The following PLEKHB1 variants were observed in gnomAD, a reference collection of about 807,000 sequenced individuals.
PLEKHB1 encodes pleckstrin homology domain-containing family B member 1.
A neutral mutation model predicts 36.2 loss-of-function variants in PLEKHB1; 29 were observed. The observed-to-expected ratio is 0.80, with a 90% CI of 0.60 to 1.09. The LOEUF is 1.09. Among genes scored for constraint, PLEKHB1 ranks in the 50% least tolerant of loss-of-function variants. The probability of loss-of-function intolerance (pLI) is 0.00; values close to 1 mark genes in which losing one functional copy is unlikely to be tolerated. For missense variants in PLEKHB1, 330 were observed against 348.2 expected (o/e 0.95, Z 0.42); for synonymous variants, 138 against 140.0 (o/e 0.99, Z 0.10).
chr11:73,652,976 G>A lies in PLEKHB1; in HGVS notation c.352G>A (p.Ala118Thr). The change falls in exon 5 of 8, where the codon GCA (alanine) becomes ACA (threonine). Residue 118 changes from alanine (A) to threonine (T), a missense_variant and splice_region_variant. Ala to Thr is a moderately conservative substitution (Grantham distance 58). Transcript: ENST00000354190. ...GGTCTGGTGGGATTTGCTTTGCAGA[G>A]CATGGAAGACAGCACTGCTGGAGGC... The part of the protein sequence containing the change: ...LCAETKDDAL[A>T]WKTALLEANS... 3.1e-6 allele frequency: 5 copies of A among 1,609,546 alleles called. No homozygotes were observed. The highest frequency in any genetic ancestry group is 3.4e-6 in the Non-Finnish European group (4 of 1,177,014).
In PLEKHB1 at chr11:73,650,564, C is replaced by T. The variant is rs368856276; in HGVS notation, c.106C>T (p.Arg36Cys). The stretch of plus-strand genomic sequence containing the variant: ...GGAATATCGTACAGGCTCCATCCTC[C>T]GCCGCTGGAAGCGGAACTGGTTTGC... Reference protein sequence around the residue: ...GWLWRQSSILRRWKRNWFALW... With the variant: ...GWLWRQSSILCRWKRNWFALW... The change falls in exon 3 of 8, where the codon CGC becomes TGC. Residue 36 changes from arginine (R) to cysteine (C), a missense_variant. Transcript: ENST00000354190. The T allele has an allele frequency of 2.6e-5, 42 of 1,610,916 alleles. No homozygotes were observed. Among genetic ancestry groups the T allele is most frequent in the Middle Eastern group, 1.6e-4 (1 of 6,080 alleles).
In PLEKHB1 at chr11:73,655,867, C is replaced by G. The variant is rs753700767; in HGVS notation, c.455C>G (p.Thr152Ser). ...RRVCSKVRCV[T>S]RSWSPCKVER... ...GTTTGCTCCAAGGTCAGGTGTGTGA[C>G]CCGCTCGTGGAGCCCCTGTAAGGTT... Residue 152 changes from threonine (T) to serine (S), a missense_variant, in exon 6 of 8, where the codon ACC becomes AGC. Thr to Ser is a moderately conservative substitution (Grantham distance 58). Transcript: ENST00000354190. The G allele has an allele frequency of 6.2e-7, 1 of 1,613,798 alleles. No individual in the cohort carries two copies. Among genetic ancestry groups the G allele is most frequent in the South Asian group, 1.1e-5 (1 of 91,078 alleles).
chr11:73,648,678 C>T, intron 1 of PLEKHB1: 2 of 1,042,328 alleles, frequency 1.9e-6, no homozygotes, highest in Non-Finnish European at 2.3e-6. Context: ...CCTCTGCCTG[C>T]CTCACAGACA....
At position 73,650,440 on chromosome 11, in the gene PLEKHB1, G is replaced by C. The variant is rs1049553883; in HGVS notation, c.95-113G>C. On this transcript the variant is annotated intron_variant, in intron 2 of 7. Transcript: ENST00000354190. ...CATTTCAGGGGGTAGACAAGAAAAA[G>C]GTGGTTGTAACACTAGGGACTGAGG... 5.0e-6 allele frequency: 6 copies of C among 1,194,496 alleles called. No individual in the cohort carries two copies. In the Admixed American group the frequency reaches 1.2e-4, roughly 23 times the overall value. 74.0% of individuals were successfully genotyped at this position (1,194,496 alleles called of 1,614,324 possible).
rs556742033 is a variant in PLEKHB1, at chr11:73,661,960, C to T, written c.*358C>T. 5 of 226,788 alleles carry T rather than the reference C, an allele frequency of 2.2e-5. No individual in the cohort carries two copies. Among genetic ancestry groups the T allele is most frequent in the African/African-American group, 9.1e-5 (4 of 43,962 alleles). 14.0% of individuals were successfully genotyped at this position (226,788 alleles called of 1,614,324 possible). On this transcript the variant is annotated 3_prime_UTR_variant, in exon 8 of 8. Transcript: ENST00000354190. This position sits in a 1 kb window ranked among gnomAD's most constrained non-coding sequence, Gnocchi z 4.6. The stretch of plus-strand genomic sequence containing the variant: ...GACACAACATGAATCGGGCTCTCTG[C>T]TCTCTCCTTAGGGAGCTCGAGTCCT...
Position 73,655,477 on chromosome 11 carries a change from G to A in PLEKHB1, c.391-326G>A, listed in dbSNP as rs562817929. ...GCTAGGGACGAGGCTGGGGTGAAGCGGACCAGGTGGGCTAGAGGACAGAAG... is the reference window on the plus strand; with the variant it reads ...GCTAGGGACGAGGCTGGGGTGAAGCAGACCAGGTGGGCTAGAGGACAGAAG... On this transcript the variant is annotated intron_variant, in intron 5 of 7. Coordinates refer to ENST00000354190, the MANE Select transcript of PLEKHB1 (RefSeq NM_021200.3). 5.0e-4 allele frequency among the ~76,000 whole-genome samples: 76 copies of A among 152,310 alleles called. 1 individual carries two copies. Among genetic ancestry groups the A allele is most frequent in the African/African-American group, 1.8e-3 (73 of 41,580 alleles).
chr11:73,659,862 G>A (rs987178831), intron 6 of PLEKHB1, among the ~76,000 whole-genome samples: 13 of 152,154 alleles, frequency 8.5e-5, no homozygotes, highest in East Asian at 1.9e-4. Context: ...TGTAACACAC[G>A]TGATCACTTC....
At chr11:73,657,211 C>T (rs957528071) in intron 6 of PLEKHB1, among the ~76,000 whole-genome samples, 21 of 152,112 alleles carry the variant, frequency 1.4e-4, no homozygotes, top group African/African-American at 4.8e-4. Context: ...CCTGGGCCAC[C>T]AAATTGTATA....
chr11:73,650,439 A>T, intron 2 of PLEKHB1, 114 bp from the exon 3 acceptor site: 1 of 1,167,056 alleles, frequency 8.6e-7, no homozygotes, highest in Non-Finnish European at 1.2e-6. Context: ...GACAAGAAAA[A>T]GGTGGTTGTA....
chr11:73,649,408 T>C (rs562234378), intron 2 of PLEKHB1, among the ~76,000 whole-genome samples: 13 of 152,100 alleles, frequency 8.5e-5, no homozygotes, highest in Non-Finnish European at 1.8e-4. Flanking sequence ...CTTACAGTGA[T>C]CTCCTTAGAA....
In PLEKHB1 at chr11:73,655,911, A is replaced by C; in HGVS notation, c.495+4A>C. 6.2e-7 allele frequency: 1 copy of C among 1,613,506 alleles called. No individual in the cohort carries two copies. The highest frequency in any genetic ancestry group is 8.5e-7 in the Non-Finnish European group (1 of 1,179,676). On this transcript the variant is annotated splice_donor_region_variant and intron_variant, in intron 6 of 7. Transcript: ENST00000354190. ...TAAGGTTGAGAGGCGGATCTGGGTA[A>C]GTGCTGGCTCGGCCCTCCCTGCCTC... is the stretch of plus-strand genomic sequence containing the variant.
rs531633314 is a variant in PLEKHB1 at position 73,662,705 on chromosome 11, A to C, written c.*1103A>C. On this transcript the variant is annotated 3_prime_UTR_variant, in exon 8 of 8. Transcript: ENST00000354190. ...CCTTTCTATCCCAATCACCAATAGA[A>C]ATGCTAACATCCCTGCCTGGTAGCC... The C allele has an allele frequency of 6.6e-6, 1 of 152,332 alleles. No individual in the cohort carries two copies. The highest frequency in any genetic ancestry group is 2.1e-4 in the South Asian group (1 of 4,812). The allele number at this position is 152,332 out of a possible 1,614,324, so 9.4% of individuals were successfully genotyped here.
intron 6 of PLEKHB1, among the ~76,000 whole-genome samples, chr11:73,656,256 C>G (rs1944992834): frequency 6.6e-6 from 1 of 152,194 alleles, no homozygotes; most frequent in Non-Finnish European, 1.5e-5. Flanking sequence ...AGCCTAGCGG[C>G]ACCAAGGCTT....
chr11:73,661,734 G>C lies in PLEKHB1; in HGVS notation c.*132G>C. ...TCTCCATTAGCTCCTTCCGGGTTTG[G>C]ACCATTCCCCCCACTCCCTACCCTT... On this transcript the variant is annotated 3_prime_UTR_variant, in exon 8 of 8. Transcript: ENST00000354190. The surrounding 1 kb of genome is among the most constrained non-coding windows in gnomAD (Gnocchi z 4.6). The C allele has an allele frequency of 8.5e-7, 1 of 1,174,624 alleles. No individual in the cohort carries two copies. The highest frequency in any genetic ancestry group is 1.5e-5 in the South Asian group (1 of 65,370). The allele number at this position is 1,174,624 out of a possible 1,614,324, so 72.8% of individuals were successfully genotyped here.
Position 73,661,671 on chromosome 11 carries a change from C to T in PLEKHB1, c.*69C>T, listed in dbSNP as rs919774807. ...ACTCCTCTTCCTCCTGGACCCCATCCTCTACCATCCAAGCCCTGTCCCACT... is the reference window on the plus strand; with the variant it reads ...ACTCCTCTTCCTCCTGGACCCCATCTTCTACCATCCAAGCCCTGTCCCACT... On this transcript the variant is annotated 3_prime_UTR_variant, in exon 8 of 8. Coordinates refer to ENST00000354190, the MANE Select transcript of PLEKHB1 (RefSeq NM_021200.3). This position sits in a 1 kb window ranked among gnomAD's most constrained non-coding sequence, Gnocchi z 4.6. The T allele has an allele frequency of 6.6e-7, 1 of 1,503,926 alleles. No homozygotes were observed. Among genetic ancestry groups the T allele is most frequent in the Non-Finnish European group, 8.8e-7 (1 of 1,130,938 alleles). The allele number at this position is 1,503,926 out of a possible 1,614,324, so 93.2% of individuals were successfully genotyped here. A position where few individuals can be genotyped will look rare whatever the true frequency, so the allele number is the denominator to read the frequency against.
chr11:73,657,357 A>G (rs1474213841), intron 6 of PLEKHB1, among the ~76,000 whole-genome samples: 2 of 152,154 alleles, frequency 1.3e-5, no homozygotes, highest in African/African-American at 4.8e-5. Context: ...CTAGGATGCA[A>G]GTTTGTTTAA....
chr11:73,656,008 G>A lies in PLEKHB1; in HGVS notation c.495+101G>A. ...CCTTCCCTGTGACAAACATTCCATGGCTCCCTATCACCCACAGGACACAAA... is the reference window on the plus strand; with the variant it reads ...CCTTCCCTGTGACAAACATTCCATGACTCCCTATCACCCACAGGACACAAA... On this transcript the variant is annotated intron_variant, in intron 6 of 7. Coordinates refer to ENST00000354190, the MANE Select transcript of PLEKHB1 (RefSeq NM_021200.3). 6 of 970,194 alleles carry A rather than the reference G, an allele frequency of 6.2e-6. No individual in the cohort carries two copies. The South Asian group carries it at 8.2e-5, about 13-fold the overall frequency. 60.1% of individuals were successfully genotyped at this position (970,194 alleles called of 1,614,324 possible).
chr11:73,657,202 C>G (rs1403408458), intron 6 of PLEKHB1, among the ~76,000 whole-genome samples: 1 of 152,164 alleles, frequency 6.6e-6, no homozygotes, highest in Admixed American at 6.5e-5. Flanking sequence ...CTAGAAGTGC[C>G]TGGGCCACCA....
chr11:73,661,354 G>C lies in PLEKHB1; in HGVS notation c.596-112G>C. 1 of 1,199,142 alleles carries C rather than the reference G, an allele frequency of 8.3e-7. No individual in the cohort carries two copies. 74.3% of individuals were successfully genotyped at this position (1,199,142 alleles called of 1,614,324 possible). A position where few individuals can be genotyped will look rare whatever the true frequency, so the allele number is the denominator to read the frequency against. On this transcript the variant is annotated intron_variant, in intron 7 of 7. Coordinates refer to ENST00000354190, the MANE Select transcript of PLEKHB1 (RefSeq NM_021200.3). The surrounding 1 kb of genome is among the most constrained non-coding windows in gnomAD (Gnocchi z 4.6). ...TCTGTTCTTTGACTGGGGAGCAGGA[G>C]AGTGGGTTCGGCGCCTTACACTGGG...
Sources: allele counts gnomAD v4.1 joint callset (sites outside exome capture counted in the v4.1 genomes callset), GRCh38; gene constraint gnomAD v4.1.1; non-coding constraint Gnocchi (gnomAD v3.1); transcripts MANE v1.5; gene names NCBI Gene and HGNC (gene_info 2026-07-23, HGNC 2026-07-21).